Variants in PEAK1 observed in about 807,000 individuals in gnomAD.
PEAK1 encodes inactive tyrosine-protein kinase PEAK1.
PEAK1 carries 54 observed loss-of-function variants against 124.7 expected under a neutral mutation model. That is an observed-to-expected ratio of 0.43 (90% CI 0.35 to 0.54). The LOEUF (loss-of-function observed/expected upper bound fraction) is 0.54, where lower values mean the gene tolerates loss of function less well. Ranked by LOEUF, PEAK1 falls within the 20% of genes least tolerant of loss-of-function variation. PEAK1 has a pLI of 0.01. For synonymous variants in PEAK1, 719 were observed against 760.0 expected, an observed-to-expected ratio of 0.95 and a Z score of 0.89; for missense variants, 2,046 against 2,134.5, an observed-to-expected ratio of 0.96 and a Z score of 0.82.
chr15:77,383,764 G>A (rs2069686762), intron 1 of PEAK1, among the ~76,000 whole-genome samples: 1 of 152,144 alleles, frequency 6.6e-6, no homozygotes, highest in Non-Finnish European at 1.5e-5. Context: ...TGTGGGTCTT[G>A]CTTTGCTTTT....
chr15:77,324,237 G>A (rs557689496), intron 2 of PEAK1, among the ~76,000 whole-genome samples: 1 of 152,176 alleles, frequency 6.6e-6, no homozygotes, highest in Non-Finnish European at 1.5e-5. Context: ...CAGCACTTTG[G>A]GAGGCTGAGG....
intron 5 of PEAK1, among the ~76,000 whole-genome samples, chr15:77,267,253 C>A (rs537835217): frequency 6.6e-6 from 1 of 152,250 alleles, no homozygotes; most frequent in South Asian, 2.1e-4. Flanking sequence ...ACACACCTAA[C>A]CCTGTCCACA....
At chr15:77,197,684 C>T (rs1193612279) in intron 6 of PEAK1, among the ~76,000 whole-genome samples, 1 of 152,038 alleles carries the variant, frequency 6.6e-6, no homozygotes, top group African/African-American at 2.4e-5. Context: ...TAATTCCTAG[C>T]CCAAACATTT....
At chr15:77,420,586 C>A (rs1428713855), upstream of PEAK1, 1 of 322,078 alleles carries the variant, frequency 3.1e-6, no homozygotes, top group Non-Finnish European at 5.6e-6. Context: ...GTAGTCATGA[C>A]CAATTTCAGT....
chr15:77,228,445 G>A (rs907189102), intron 6 of PEAK1, among the ~76,000 whole-genome samples: 1 of 152,118 alleles, frequency 6.6e-6, no homozygotes, highest in Non-Finnish European at 1.5e-5. Context: ...TCTGATGCAG[G>A]ACTTCATTTA....
At chr15:77,271,139 T>G (rs955201487) in intron 5 of PEAK1, among the ~76,000 whole-genome samples, 2 of 152,084 alleles carry the variant, frequency 1.3e-5, no homozygotes, top group African/African-American at 2.4e-5. Context: ...CAGACACTTC[T>G]CAAAAGAAGA....
chr15:77,408,307 A>G (rs934052757), intron 1 of PEAK1, among the ~76,000 whole-genome samples: 1 of 151,868 alleles, frequency 6.6e-6, no homozygotes, highest in Non-Finnish European at 1.5e-5. Flanking sequence ...CTGAGAACTT[A>G]CAAGTTTTCA....
chr15:77,302,921 T>C (rs1392623416), intron 2 of PEAK1, among the ~76,000 whole-genome samples: 1 of 152,120 alleles, frequency 6.6e-6, no homozygotes, highest in Admixed American at 6.6e-5. Context: ...CTATTCAACC[T>C]TCCCATCAAC....
intron 6 of PEAK1, among the ~76,000 whole-genome samples, chr15:77,229,981 T>C (rs559663741): frequency 6.6e-6 from 1 of 152,212 alleles, no homozygotes; most frequent in South Asian, 2.1e-4. Flanking sequence ...ATTCAACAAA[T>C]ATTATTTTGT....
At chr15:77,117,876 A>G (rs563638056) in intron 9 of PEAK1, among the ~76,000 whole-genome samples, 1 of 152,342 alleles carries the variant, frequency 6.6e-6, no homozygotes, top group East Asian at 1.9e-4. Context: ...TATTCTAATT[A>G]TATCTAGACA....
At chr15:77,239,291 T>C (rs1332384385) in intron 6 of PEAK1, among the ~76,000 whole-genome samples, 1 of 152,234 alleles carries the variant, frequency 6.6e-6, no homozygotes, top group African/African-American at 2.4e-5. Flanking sequence ...TAACTCTAGA[T>C]GCACATTACT....
chr15:77,381,466 G>A (rs2069476113), intron 1 of PEAK1: 1 of 966,868 alleles, frequency 1.0e-6, no homozygotes, highest in South Asian at 4.8e-5. Flanking sequence ...TAAGGCAATG[G>A]CTCTAAGAAC....
At chr15:77,332,109 G>A in intron 2 of PEAK1, 2 of 786,098 alleles carry the variant, frequency 2.5e-6, no homozygotes, top group Non-Finnish European at 3.1e-6. Context: ...GGGTGACACA[G>A]CAAGACTCCA....
intron 5 of PEAK1, among the ~76,000 whole-genome samples, chr15:77,275,750 GGAAAAAA>G (rs2062286779): frequency 6.6e-6 from 1 of 151,234 alleles, no homozygotes; most frequent in South Asian, 2.1e-4. Context: ...TTTAAAAAAA[GGAAAAAA>G]GAAGTAAATG....
intron 9 of PEAK1, among the ~76,000 whole-genome samples, chr15:77,128,383 C>T (rs1203803306): frequency 6.6e-6 from 1 of 152,194 alleles, no homozygotes; most frequent in African/African-American, 2.4e-5. Context: ...GAAAGTGATA[C>T]AGAAACATCA....
At chr15:77,145,982 T>G (rs2152761511) in intron 8 of PEAK1, among the ~76,000 whole-genome samples, 1 of 152,338 alleles carries the variant, frequency 6.6e-6, no homozygotes, top group African/African-American at 2.4e-5. Flanking sequence ...TCTTCCTATT[T>G]AAACTATAAT....
intron 9 of PEAK1, among the ~76,000 whole-genome samples, chr15:77,126,235 A>C (rs945153607): frequency 3.3e-5 from 5 of 152,198 alleles, no homozygotes; most frequent in African/African-American, 4.8e-5. Context: ...TGTGACATTT[A>C]AAAAATGTTT....
chr15:77,222,511 A>G (rs1446737799), intron 6 of PEAK1, among the ~76,000 whole-genome samples: 2 of 152,086 alleles, frequency 1.3e-5, no homozygotes, highest in African/African-American at 4.8e-5. Context: ...TTATAGACTA[A>G]GGAATTGAGA....
chr15:77,325,109 G>C (rs1218367542), intron 2 of PEAK1, among the ~76,000 whole-genome samples: 1 of 152,164 alleles, frequency 6.6e-6, no homozygotes. Flanking sequence ...AAAACAGCTA[G>C]AATACATTCT....
Sources: gnomAD v4.1 joint callset for allele counts (sites outside exome capture counted in the v4.1 genomes callset) on GRCh38, gnomAD v4.1.1 for gene constraint, MANE v1.5 for transcripts, NCBI Gene and HGNC (gene_info 2026-07-23, HGNC 2026-07-21) for gene names.